Variants in MACROD2 observed in about 807,000 individuals in gnomAD.
MACROD2 encodes the protein mono-ADP ribosylhydrolase 2.
MACROD2 carries 36 observed loss-of-function variants against 70.4 expected under a neutral mutation model. That is an observed-to-expected ratio of 0.51 (90% confidence interval 0.39 to 0.68). MACROD2 has a LOEUF of 0.68. Among genes scored for constraint, MACROD2 ranks in the 30% least tolerant of loss-of-function variants. The probability of loss-of-function intolerance (pLI) is 0.00; values close to 1 mark genes in which losing one functional copy is unlikely to be tolerated. For synonymous variants in MACROD2, 172 were observed against 178.8 expected, an observed-to-expected ratio of 0.96 and a Z score of 0.30; for missense variants, 496 against 538.4, an observed-to-expected ratio of 0.92 and a Z score of 0.78.
intron 17 of MACROD2, among the ~76,000 whole-genome samples, chr20:16,045,588 G>T (rs2067368489): frequency 6.6e-6 from 1 of 152,012 alleles, no homozygotes. Flanking sequence ...GGTTCAAGGG[G>T]GAGTTGTGAA....
intron 5 of MACROD2, among the ~76,000 whole-genome samples, chr20:15,170,868 T>G (rs1697160744): frequency 6.6e-6 from 1 of 152,230 alleles, no homozygotes; most frequent in African/African-American, 2.4e-5. Flanking sequence ...AACATGGTGC[T>G]GAACACCTAG....
intron 5 of MACROD2, among the ~76,000 whole-genome samples, chr20:15,053,619 G>A (rs75744109): frequency 6.6e-4 from 101 of 152,236 alleles, no homozygotes; most frequent in East Asian, 6.0e-3. Flanking sequence ...AATGCATCTG[G>A]TAACCCAAGA....
chr20:15,135,574 A>G (rs1446323940), intron 5 of MACROD2, among the ~76,000 whole-genome samples: 2 of 136,502 alleles, frequency 1.5e-5, no homozygotes, highest in Admixed American at 1.5e-4. Flanking sequence ...TCAAAATAAT[A>G]AGAGCTATCT....
chr20:15,689,624 T>C (rs1165994116), intron 8 of MACROD2, among the ~76,000 whole-genome samples: 4 of 152,112 alleles, frequency 2.6e-5, no homozygotes, highest in Non-Finnish European at 5.9e-5. Flanking sequence ...GGAATAAGCT[T>C]ATACATTCAA....
intron 5 of MACROD2, among the ~76,000 whole-genome samples, chr20:15,104,090 G>A (rs1405598738): frequency 6.6e-6 from 1 of 152,096 alleles, no homozygotes; most frequent in Non-Finnish European, 1.5e-5. Flanking sequence ...AAATAGTGAA[G>A]AGAAAGTCAA....
intron 3 of MACROD2, among the ~76,000 whole-genome samples, chr20:14,295,796 C>T (rs1325524142): frequency 6.6e-6 from 1 of 151,804 alleles, no homozygotes; most frequent in Non-Finnish European, 1.5e-5. Flanking sequence ...CTGAGTCTAG[C>T]ACTAAGTTTA....
chr20:15,394,274 AGG>A (rs2045832286), intron 6 of MACROD2, among the ~76,000 whole-genome samples: 1 of 152,248 alleles, frequency 6.6e-6, no homozygotes, highest in Non-Finnish European at 1.5e-5. Flanking sequence ...AGAACAAGAA[AGG>A]AAAACAAATG....
At position 14,842,888 on chromosome 20, in the gene MACROD2, C is replaced by T. The variant is rs942224188; in HGVS notation, c.418+157929C>T. 2.0e-4 allele frequency among the ~76,000 whole-genome samples: 30 copies of T among 152,070 alleles called. 1 individual carries two copies. The highest frequency in any genetic ancestry group is 4.3e-4 in the Non-Finnish European group (29 of 67,982). The stretch of plus-strand genomic sequence containing the variant: ...TAGGAGTCATTTCCAGGAGACATGT[C>T]TGAAGTCAAACTTGGGCTTTATTTC... On this transcript the variant is annotated intron_variant, in intron 5 of 17. Transcript: ENST00000684519.
intron 5 of MACROD2, among the ~76,000 whole-genome samples, chr20:15,048,841 T>G (rs1240378210): frequency 6.6e-6 from 1 of 152,148 alleles, no homozygotes; most frequent in South Asian, 2.1e-4. Context: ...TGTTAAAAAT[T>G]TCTTATGAAT....
chr20:15,080,162 C>A (rs1436605154), intron 5 of MACROD2, among the ~76,000 whole-genome samples: 3 of 144,626 alleles, frequency 2.1e-5, no homozygotes, highest in Non-Finnish European at 3.1e-5. Context: ...AAATAAATAA[C>A]ATCCTCTCTC....
chr20:15,489,371 G>T (rs1310119790), intron 7 of MACROD2, among the ~76,000 whole-genome samples: 1 of 152,096 alleles, frequency 6.6e-6, no homozygotes, highest in Admixed American at 6.6e-5. Context: ...CAGGACCATG[G>T]GGAAAGAAGC....
At chr20:14,196,431 T>C (rs1339068945) in intron 3 of MACROD2, among the ~76,000 whole-genome samples, 1 of 152,208 alleles carries the variant, frequency 6.6e-6, no homozygotes, top group Non-Finnish European at 1.5e-5. Context: ...ATGGCCAGAA[T>C]TACATTAAAA....
Position 15,412,163 on chromosome 20 carries a change from G to A in MACROD2, c.541-19242G>A, listed in dbSNP as rs574741555. 9.9e-5 allele frequency among the ~76,000 whole-genome samples: 15 copies of A among 152,284 alleles called. No homozygotes were observed. The East Asian group carries it at 2.9e-3, about 29-fold the overall frequency. On this transcript the variant is annotated intron_variant, in intron 6 of 17. Transcript: ENST00000684519. ...TGCAAGTGCTGTTGGAAAAAGAGCTGTAAACAATATTAGTTGTTGCTGCCA... is the reference window on the plus strand; with the variant it reads ...TGCAAGTGCTGTTGGAAAAAGAGCTATAAACAATATTAGTTGTTGCTGCCA...
chr20:15,646,769 G>A (rs777641143), intron 8 of MACROD2, among the ~76,000 whole-genome samples: 3 of 152,146 alleles, frequency 2.0e-5, no homozygotes, highest in Non-Finnish European at 4.4e-5. Flanking sequence ...TTGTGAAAAA[G>A]GTGCCTTGCT....
At chr20:15,662,244 C>T (rs183346387) in intron 8 of MACROD2, among the ~76,000 whole-genome samples, 1 of 152,330 alleles carries the variant, frequency 6.6e-6, no homozygotes, top group East Asian at 1.9e-4. Flanking sequence ...AATGCCCTTT[C>T]CTGGACTTTA....
intron 5 of MACROD2, among the ~76,000 whole-genome samples, chr20:14,987,784 G>C (rs529928746): frequency 1.1e-4 from 16 of 152,178 alleles, no homozygotes; most frequent in Non-Finnish European, 2.2e-4. Flanking sequence ...TTCTCCTTGG[G>C]ATGCCATGTT....
intron 3 of MACROD2, among the ~76,000 whole-genome samples, chr20:14,479,094 A>T (rs986097384): frequency 6.6e-6 from 1 of 152,084 alleles, no homozygotes; most frequent in African/African-American, 2.4e-5. Context: ...GGGGATTCTC[A>T]GGCCTGGTGG....
chr20:15,035,731 A>G (rs1215272668), intron 5 of MACROD2, among the ~76,000 whole-genome samples: 1 of 152,194 alleles, frequency 6.6e-6, no homozygotes, highest in Admixed American at 6.5e-5. Flanking sequence ...ATTCCAACGG[A>G]CAACAGGATC....
chr20:14,110,515 T>TA (rs1217306587), intron 3 of MACROD2, among the ~76,000 whole-genome samples: 3 of 151,794 alleles, frequency 2.0e-5, no homozygotes, highest in Non-Finnish European at 3.0e-5. Context: ...ATAGAACTAA[T>TA]AAACAAATTC....
Sources: allele counts gnomAD v4.1 joint callset (sites outside exome capture counted in the v4.1 genomes callset), GRCh38; gene constraint gnomAD v4.1.1; transcripts MANE v1.5; gene names NCBI Gene and HGNC (gene_info 2026-07-23, HGNC 2026-07-21).